Variants in PRR5L observed in about 807,000 individuals in gnomAD.
PRR5L encodes proline-rich protein 5-like.
Under a neutral mutation model 36.4 loss-of-function variants are expected in PRR5L, and 21 were observed. The ratio of observed to expected loss-of-function variants is 0.58; its 90% confidence interval spans 0.41 to 0.83. The LOEUF (loss-of-function observed/expected upper bound fraction) is 0.83, where lower values mean the gene tolerates loss of function less well. PRR5L is among the 40% of genes least tolerant of loss of function. PRR5L has a pLI of 0.00. For synonymous variants in PRR5L, 188 were observed against 197.0 expected (o/e 0.95, Z 0.38); for missense variants, 381 against 473.3 (o/e 0.80, Z 1.81).
chr11:36,450,884 CCAG>C (rs1197761840), intron 7 of PRR5L, among the ~76,000 whole-genome samples: 2 of 152,238 alleles, frequency 1.3e-5, no homozygotes, highest in African/African-American at 4.8e-5. Context: ...TGTTTATGAA[CCAG>C]TCACGATGAC....
intron 1 of PRR5L, among the ~76,000 whole-genome samples, chr11:36,372,304 T>A (rs1639360315): frequency 6.6e-6 from 1 of 151,966 alleles, no homozygotes; most frequent in South Asian, 2.1e-4. Context: ...TGGGCAGGCA[T>A]TGTCATGGGA....
At chr11:36,346,536 T>C (rs1856867656) in intron 1 of PRR5L, among the ~76,000 whole-genome samples, 2 of 151,880 alleles carry the variant, frequency 1.3e-5, no homozygotes, top group South Asian at 4.2e-4. Context: ...TGAGCCGAGA[T>C]TGCGCCACTG....
chr11:36,336,490 A>G (rs1461335735), intron 1 of PRR5L, among the ~76,000 whole-genome samples: 2 of 149,306 alleles, frequency 1.3e-5, no homozygotes, highest in African/African-American at 4.9e-5. Flanking sequence ...TCTGCCTCCC[A>G]AAGTGCTGGG....
At chr11:36,400,032 T>A (rs1250818940) in intron 1 of PRR5L, among the ~76,000 whole-genome samples, 3 of 152,248 alleles carry the variant, frequency 2.0e-5, no homozygotes, top group Non-Finnish European at 4.4e-5. Context: ...CTGAAGCCAC[T>A]GCCTTTAACC....
intron 1 of PRR5L, among the ~76,000 whole-genome samples, chr11:36,347,245 G>T (rs1038824861): frequency 3.3e-5 from 5 of 151,842 alleles, no homozygotes; most frequent in Admixed American, 1.3e-4. Flanking sequence ...TCTTTTTCAC[G>T]TTCCTAAAAT....
chr11:36,389,324 C>T (rs891336725), intron 1 of PRR5L, among the ~76,000 whole-genome samples: 10 of 152,162 alleles, frequency 6.6e-5, no homozygotes, highest in Non-Finnish European at 1.5e-5. Context: ...CATCACCTTG[C>T]AAAGCCTAAG....
At chr11:36,405,738 A>G (rs534032207) in intron 3 of PRR5L, among the ~76,000 whole-genome samples, 25 of 152,356 alleles carry the variant, frequency 1.6e-4, no homozygotes, top group African/African-American at 5.3e-4. Flanking sequence ...TTATTTCTCA[A>G]TGTCCTGGAG....
chr11:36,409,394 G>A (rs55727997), intron 3 of PRR5L, among the ~76,000 whole-genome samples: 5 of 152,292 alleles, frequency 3.3e-5, no homozygotes, highest in African/African-American at 1.2e-4. Context: ...TTGTTGGGAG[G>A]GGGGAGGTGG....
intron 1 of PRR5L, among the ~76,000 whole-genome samples, chr11:36,310,144 T>C (rs1856485358): frequency 6.6e-6 from 1 of 152,172 alleles, no homozygotes; most frequent in Admixed American, 6.5e-5. Flanking sequence ...CAATTTACTC[T>C]GTCCCCAAGG....
At chr11:36,356,387 G>A (rs555604839) in intron 1 of PRR5L, among the ~76,000 whole-genome samples, 2 of 152,258 alleles carry the variant, frequency 1.3e-5, no homozygotes, top group African/African-American at 4.8e-5. Context: ...TACTGGGGTG[G>A]CAGCCAGACT....
At chr11:36,451,473 G>C in intron 8 of PRR5L, 138 bp downstream of exon 8, 1 of 981,682 alleles carries the variant, frequency 1.0e-6, no homozygotes, top group Non-Finnish European at 1.5e-6. Context: ...GTGCGGGTCA[G>C]TGCAAATCCG....
chr11:36,459,425 C>T (rs1022703862), intron 8 of PRR5L, among the ~76,000 whole-genome samples: 7 of 152,304 alleles, frequency 4.6e-5, no homozygotes, highest in African/African-American at 7.2e-5. Flanking sequence ...ACTCTACTCC[C>T]GAGGCTTCAG....
At chr11:36,382,041 C>A (rs1857377928) in intron 1 of PRR5L, among the ~76,000 whole-genome samples, 2 of 152,026 alleles carry the variant, frequency 1.3e-5, no homozygotes, top group Admixed American at 6.6e-5. Flanking sequence ...GCCTGTAGTC[C>A]CAGCTACTCG....
At chr11:36,457,026 C>A (rs1859073823) in intron 8 of PRR5L, among the ~76,000 whole-genome samples, 1 of 152,226 alleles carries the variant, frequency 6.6e-6, no homozygotes, top group African/African-American at 2.4e-5. Flanking sequence ...AGTGGCTTCT[C>A]TTGTCCATTT....
intron 1 of PRR5L, among the ~76,000 whole-genome samples, chr11:36,337,445 C>T (rs1381353687): frequency 1.3e-5 from 2 of 152,196 alleles, no homozygotes; most frequent in African/African-American, 4.8e-5. Flanking sequence ...GAACTGTGAG[C>T]AATAAATGTA....
At chr11:36,423,722 G>C (rs1858320608) in intron 4 of PRR5L, among the ~76,000 whole-genome samples, 1 of 152,244 alleles carries the variant, frequency 6.6e-6, no homozygotes, top group Non-Finnish European at 1.5e-5. Flanking sequence ...CTTTGAACAA[G>C]TGGAGCGGGG....
In PRR5L at chr11:36,454,978, C is replaced by T. The variant is rs193139062; in HGVS notation, c.712+3643C>T. Among the ~76,000 whole-genome samples the T allele has an allele frequency of 2.2e-4, 33 of 152,366 alleles. No homozygotes were observed. In the East Asian group the frequency reaches 5.8e-3, roughly 27 times the overall value. On this transcript the variant is annotated intron_variant, in intron 8 of 8. Transcript: ENST00000530639. ...GACTCCTCAGAGGCTGGCCTTTGCC[C>T]CATCTTTCAAGTCCCCGAAGTCTCC... is the stretch of plus-strand genomic sequence containing the variant.
At chr11:36,298,829 C>T (rs1590418417) in intron 1 of PRR5L, among the ~76,000 whole-genome samples, 1 of 152,290 alleles carries the variant, frequency 6.6e-6, no homozygotes, top group East Asian at 1.9e-4. Flanking sequence ...TTGTGGATGG[C>T]CACCTTCTCA....
At chr11:36,320,239 CTTT>C (rs34085047) in intron 1 of PRR5L, among the ~76,000 whole-genome samples, 1,211 of 94,894 alleles carry the variant, frequency 0.013, 5 homozygotes, top group Non-Finnish European at 0.015. Context: ...AACTGGGAAT[CTTT>C]TTTTTTTTTT....
Sources: allele counts gnomAD v4.1 joint callset (sites outside exome capture counted in the v4.1 genomes callset), GRCh38; gene constraint gnomAD v4.1.1; transcripts MANE v1.5; gene names NCBI Gene and HGNC (gene_info 2026-07-23, HGNC 2026-07-21).